The following GALNTL6 variants were observed in gnomAD, a reference collection of about 807,000 sequenced individuals.
GALNTL6 encodes the protein polypeptide N-acetylgalactosaminyltransferase like 6, also known as polypeptide N-acetylgalactosaminyltransferase-like 6.
In GALNTL6, 46 loss-of-function variants were observed where a neutral mutation model predicts 73.7. The ratio of observed to expected loss-of-function variants is 0.62; its 90% CI spans 0.49 to 0.80. The LOEUF (loss-of-function observed/expected upper bound fraction) is 0.80, where lower values mean the gene tolerates loss of function less well. Ranked by LOEUF, GALNTL6 falls within the 30% of genes least tolerant of loss-of-function variation. The probability of loss-of-function intolerance (pLI) is 0.00; values close to 1 mark genes in which losing one functional copy is unlikely to be tolerated. For missense variants in GALNTL6, 604 were observed against 755.0 expected, an observed-to-expected ratio of 0.80 and a Z score of 2.34; for synonymous variants, 259 against 263.7, an observed-to-expected ratio of 0.98 and a Z score of 0.17.
At chr4:172,375,420 G>A (rs1369081697) in intron 5 of GALNTL6, among the ~76,000 whole-genome samples, 1 of 152,154 alleles carries the variant, frequency 6.6e-6, no homozygotes, top group Admixed American at 6.5e-5. Flanking sequence ...AATAGCTTTG[G>A]ATGCATTTCA....
chr4:171,868,503 T>G (rs974292457), intron 2 of GALNTL6, among the ~76,000 whole-genome samples: 1 of 152,066 alleles, frequency 6.6e-6, no homozygotes, highest in Non-Finnish European at 1.5e-5. Flanking sequence ...GGCTCTGGAG[T>G]GAAAGAAGAA....
chr4:172,203,738 A>AT lies in GALNTL6; in HGVS notation c.139-25909dup, dbSNP rs577631990. ...TGTTTGTTGTTTGGCATCTTGACAG[A>AT]TTTTTTTTTATAATTTATTTTTTTC... On this transcript the variant is annotated intron_variant, in intron 2 of 12. Coordinates refer to ENST00000506823, the MANE Select transcript of GALNTL6 (RefSeq NM_001034845.3). Among the ~76,000 whole-genome samples the AT allele has an allele frequency of 2.0e-4, 31 of 151,366 alleles. No homozygotes were observed. In the East Asian group the frequency reaches 2.3e-3, roughly 11 times the overall value.
intron 5 of GALNTL6, among the ~76,000 whole-genome samples, chr4:172,713,706 A>G (rs1734869195): frequency 6.6e-6 from 1 of 152,182 alleles, no homozygotes; most frequent in Admixed American, 6.5e-5. Flanking sequence ...GAGTCTGCCT[A>G]TGCCCATTCT....
At chr4:171,832,279 A>C (rs1734995023) in intron 2 of GALNTL6, among the ~76,000 whole-genome samples, 1 of 150,638 alleles carries the variant, frequency 6.6e-6, no homozygotes, top group Non-Finnish European at 1.5e-5. Context: ...AATCTGATCT[A>C]TATATGTTTT....
intron 2 of GALNTL6, among the ~76,000 whole-genome samples, chr4:171,934,373 C>A (rs1249954010): frequency 6.6e-6 from 1 of 151,958 alleles, no homozygotes; most frequent in Non-Finnish European, 1.5e-5. Context: ...GTAAAAAGAC[C>A]CTTCTTTATG....
chr4:172,526,632 C>T (rs1479554086), intron 5 of GALNTL6, among the ~76,000 whole-genome samples: 2 of 152,070 alleles, frequency 1.3e-5, no homozygotes, highest in East Asian at 1.9e-4. Context: ...AAGTTCTTAA[C>T]CAAACTCCAC....
At chr4:172,143,896 T>C (rs1430757346) in intron 2 of GALNTL6, among the ~76,000 whole-genome samples, 2 of 152,172 alleles carry the variant, frequency 1.3e-5, no homozygotes, top group African/African-American at 2.4e-5. Flanking sequence ...TTTATCCCTA[T>C]AGTAGTTTAT....
At chr4:172,818,174 A>C (rs1741717311) in intron 7 of GALNTL6, among the ~76,000 whole-genome samples, 2 of 152,218 alleles carry the variant, frequency 1.3e-5, no homozygotes, top group Admixed American at 1.3e-4. Context: ...GGCAGCATGA[A>C]ATAGTCCATC....
At chr4:171,931,377 A>T (rs967306559) in intron 2 of GALNTL6, among the ~76,000 whole-genome samples, 1 of 152,182 alleles carries the variant, frequency 6.6e-6, no homozygotes, top group Non-Finnish European at 1.5e-5. Flanking sequence ...GGTCTAGTCC[A>T]GCAGAATTTT....
chr4:173,002,774 G>T (rs74864504), intron 10 of GALNTL6, among the ~76,000 whole-genome samples: 4 of 146,114 alleles, frequency 2.7e-5, no homozygotes, highest in Non-Finnish European at 4.5e-5. Context: ...CAGCCTGGGG[G>T]ACAGAGTGAG....
At chr4:172,731,019 G>A (rs1736115326) in intron 5 of GALNTL6, among the ~76,000 whole-genome samples, 3 of 150,752 alleles carry the variant, frequency 2.0e-5, no homozygotes, top group Admixed American at 6.6e-5. Context: ...GGTGGAGGTT[G>A]TAGTAAGCCG....
chr4:172,138,359 T>C (rs920608831), intron 2 of GALNTL6, among the ~76,000 whole-genome samples: 9 of 148,808 alleles, frequency 6.0e-5, no homozygotes, highest in African/African-American at 2.2e-4. Context: ...ATTTTTGTCC[T>C]TTGCATTTCG....
chr4:172,924,646 T>C (rs1050949150), intron 8 of GALNTL6, among the ~76,000 whole-genome samples: 1 of 152,054 alleles, frequency 6.6e-6, no homozygotes, highest in Non-Finnish European at 1.5e-5. Context: ...AAACAACTGA[T>C]GGCAGCAAGC....
chr4:172,061,472 A>G (rs1731199063), intron 2 of GALNTL6, among the ~76,000 whole-genome samples: 1 of 152,128 alleles, frequency 6.6e-6, no homozygotes, highest in African/African-American at 2.4e-5. Context: ...TTATTTGTCT[A>G]GTGAAAGAAA....
At chr4:172,953,977 TTTTG>T (rs1034008916) in intron 10 of GALNTL6, among the ~76,000 whole-genome samples, 6 of 152,314 alleles carry the variant, frequency 3.9e-5, no homozygotes, top group African/African-American at 9.6e-5. Flanking sequence ...CTACAGTTTT[TTTTG>T]TTTGTTTGTT....
rs1038701681 is a variant in GALNTL6 at position 172,486,267 on chromosome 4, T to C, written c.553+137578T>C. Among the ~76,000 whole-genome samples, 14 of 152,154 alleles carry C rather than the reference T, an allele frequency of 9.2e-5. 1 individual carries two copies. Among genetic ancestry groups the C allele is most frequent in the African/African-American group, 2.9e-4 (12 of 41,434 alleles). Reference sequence around the variant, plus strand: ...TGCAGATCAGTGTGTGAGAAACTGATTGATTTGAAGAAGATAGAAAGTGTC... The same window carrying C: ...TGCAGATCAGTGTGTGAGAAACTGACTGATTTGAAGAAGATAGAAAGTGTC... On this transcript the variant is annotated intron_variant, in intron 5 of 12. Transcript: ENST00000506823.
At chr4:172,773,127 T>G (rs1346492581) in intron 5 of GALNTL6, among the ~76,000 whole-genome samples, 1 of 152,146 alleles carries the variant, frequency 6.6e-6, no homozygotes, top group African/African-American at 2.4e-5. Context: ...CATCACTCCG[T>G]GTGATGAAAG....
chr4:172,965,923 T>C (rs1750305158), intron 10 of GALNTL6, among the ~76,000 whole-genome samples: 1 of 152,204 alleles, frequency 6.6e-6, no homozygotes, highest in Admixed American at 6.5e-5. Flanking sequence ...GTTAGCCTAC[T>C]CATCAATTCA....
chr4:172,086,568 T>G (rs999470071), intron 2 of GALNTL6, among the ~76,000 whole-genome samples: 1 of 152,142 alleles, frequency 6.6e-6, no homozygotes, highest in Non-Finnish European at 1.5e-5. Flanking sequence ...TATAAACACA[T>G]GCACACAGAG....
Sources: allele counts gnomAD v4.1 joint callset (sites outside exome capture counted in the v4.1 genomes callset), GRCh38; gene constraint gnomAD v4.1.1; transcripts MANE v1.5; gene names NCBI Gene and HGNC (gene_info 2026-07-23, HGNC 2026-07-21).